The following KLKB1 variants were observed in gnomAD, a reference collection of about 807,000 sequenced individuals.
KLKB1 encodes plasma kallikrein.
A neutral mutation model predicts 73.6 loss-of-function variants in KLKB1; 58 were observed. The observed-to-expected ratio is 0.79, with a 90% CI of 0.64 to 0.98. The LOEUF (loss-of-function observed/expected upper bound fraction) is 0.98, where lower values mean the gene tolerates loss of function less well. Ranked by LOEUF, KLKB1 falls within the 50% of genes least tolerant of loss-of-function variation. KLKB1 has a pLI of 0.00. For missense variants in KLKB1, 737 were observed against 763.8 expected, an observed-to-expected ratio of 0.96 and a Z score of 0.41; for synonymous variants, 280 against 258.1, an observed-to-expected ratio of 1.08 and a Z score of -0.81.
intron 2 of KLKB1, among the ~76,000 whole-genome samples, chr4:186,218,629 A>AGT (rs536955243): frequency 0.029 from 4,219 of 144,334 alleles, 147 homozygotes; most frequent in African/African-American, 0.094. Flanking sequence ...TATTTTACAT[A>AGT]GTGTGTGTGT....
intron 12 of KLKB1, among the ~76,000 whole-genome samples, chr4:186,255,082 A>T (rs1046099834): frequency 4.6e-5 from 7 of 152,214 alleles, no homozygotes; most frequent in African/African-American, 1.7e-4. Flanking sequence ...CAGAACTGTC[A>T]TTGCTTTGGG....
At position 186,232,302 on chromosome 4, in the gene KLKB1, A is replaced by G; in HGVS notation, c.221+13A>G. ...ACATGGAGAAAAGGTAAAAGTTGGT[A>G]TTTCATTATTGGAGAAGCTGTTTTT... On this transcript the variant is annotated intron_variant, in intron 3 of 14. Coordinates refer to ENST00000264690, the MANE Select transcript of KLKB1 (RefSeq NM_000892.5). 6.2e-7 allele frequency: 1 copy of G among 1,612,246 alleles called. No homozygotes were observed. Among genetic ancestry groups the G allele is most frequent in the East Asian group, 2.2e-5 (1 of 44,872 alleles).
intron 6 of KLKB1, among the ~76,000 whole-genome samples, chr4:186,240,618 A>G (rs1344662294): frequency 6.6e-6 from 1 of 152,164 alleles, no homozygotes; most frequent in Non-Finnish European, 1.5e-5. Flanking sequence ...TTTCCGCAGT[A>G]CTGGGTGCTG....
chr4:186,236,408 GT>G (rs2126637815), intron 4 of KLKB1, among the ~76,000 whole-genome samples: 1 of 152,288 alleles, frequency 6.6e-6, no homozygotes, highest in South Asian at 2.1e-4. Context: ...AGGCACATCA[GT>G]TTCTTTAATA....
At chr4:186,235,174 A>G (rs1737594117) in intron 4 of KLKB1, among the ~76,000 whole-genome samples, 1 of 152,210 alleles carries the variant, frequency 6.6e-6, no homozygotes, top group Non-Finnish European at 1.5e-5. Context: ...ATTTTAAAAG[A>G]TCAATTTTTA....
At chr4:186,255,841 A>G in intron 12 of KLKB1, 151 bp from the exon 13 acceptor site, 1 of 625,530 alleles carries the variant, frequency 1.6e-6, no homozygotes, top group Admixed American at 2.9e-5. Context: ...ATTTTCTTGA[A>G]TCATTAGCCT....
chr4:186,234,794 A>C (rs1737569930), intron 4 of KLKB1, among the ~76,000 whole-genome samples: 1 of 152,206 alleles, frequency 6.6e-6, no homozygotes, highest in Non-Finnish European at 1.5e-5. Context: ...CTATCCTAAT[A>C]AATTTAAGAC....
chr4:186,249,169 C>G (rs931369695), intron 6 of KLKB1, among the ~76,000 whole-genome samples: 1 of 152,156 alleles, frequency 6.6e-6, no homozygotes, highest in African/African-American at 2.4e-5. Context: ...AGTTTTTAAA[C>G]TTGATGAAAT....
Position 186,238,128 on chromosome 4 carries a change from G to C in KLKB1, c.489-128G>C, listed in dbSNP as rs4253256. The C allele has an allele frequency of 0.65, 468,726 of 715,962 alleles. 155,645 individuals are homozygous for C. The highest frequency in any genetic ancestry group is 0.81 in the African/African-American group (46,297 of 57,034). 44.4% of individuals were successfully genotyped at this position (715,962 alleles called of 1,614,324 possible). A position where few individuals can be genotyped will look rare whatever the true frequency, so the allele number is the denominator to read the frequency against. ...GGATGTCCATTAGGTTAATAATGCA[G>C]ACCCCTAACCCACTCATTATCAGGG... is the stretch of plus-strand genomic sequence containing the variant. On this transcript the variant is annotated intron_variant, in intron 5 of 14. Transcript: ENST00000264690.
intron 2 of KLKB1, among the ~76,000 whole-genome samples, chr4:186,231,690 C>T (rs758395230): frequency 2.0e-5 from 3 of 152,184 alleles, no homozygotes; most frequent in Admixed American, 6.5e-5. Context: ...AAAACATAGT[C>T]CAGATGCAGA....
At chr4:186,253,495 CT>C (rs1469298973) in intron 11 of KLKB1, among the ~76,000 whole-genome samples, 1 of 152,122 alleles carries the variant, frequency 6.6e-6, no homozygotes, top group African/African-American at 2.4e-5. Context: ...TAGTAGGTGT[CT>C]TTTTTACTAA....
intron 2 of KLKB1, among the ~76,000 whole-genome samples, chr4:186,214,575 G>A (rs1355772458): frequency 6.6e-6 from 1 of 152,186 alleles, no homozygotes; most frequent in Non-Finnish European, 1.5e-5. Context: ...TAGATAGTAG[G>A]AAAGTTAAAG....
At chr4:186,239,492 G>A (rs1312856190) in intron 6 of KLKB1, among the ~76,000 whole-genome samples, 2 of 140,894 alleles carry the variant, frequency 1.4e-5, no homozygotes, top group African/African-American at 2.7e-5. Context: ...CTAGTACAGT[G>A]ATACTGTTAT....
chr4:186,244,913 C>T lies in KLKB1; in HGVS notation c.599-5330C>T, dbSNP rs562949561. ...TTTTAATGGGATGGTAAGGGGTGCACGATAGGTTGCCAAGGAGGGAGCAGA... is the reference window on the plus strand; with the variant it reads ...TTTTAATGGGATGGTAAGGGGTGCATGATAGGTTGCCAAGGAGGGAGCAGA... On this transcript the variant is annotated intron_variant, in intron 6 of 14. Coordinates refer to ENST00000264690, the MANE Select transcript of KLKB1 (RefSeq NM_000892.5). Among the ~76,000 whole-genome samples, 104 of 151,924 alleles carry T rather than the reference C, an allele frequency of 6.8e-4. 1 individual carries two copies. The highest frequency in any genetic ancestry group is 3.8e-3 in the South Asian group (18 of 4,798).
chr4:186,232,055 A>C (rs1737422146), intron 2 of KLKB1, 72 bp from the exon 3 acceptor site: 2 of 1,286,582 alleles, frequency 1.6e-6, no homozygotes, highest in East Asian at 5.0e-5. Flanking sequence ...GGAGAAGTTA[A>C]GACAACAGAT....
intron 2 of KLKB1, among the ~76,000 whole-genome samples, chr4:186,219,307 C>G (rs1279726296): frequency 1.3e-5 from 2 of 152,156 alleles, no homozygotes; most frequent in Non-Finnish European, 1.5e-5. Context: ...CCCTTGTCTA[C>G]TTGAACCCAT....
At position 186,251,823 on chromosome 4, in the gene KLKB1, G is replaced by A. The variant is rs1738693436; in HGVS notation, c.1106G>A (p.Gly369Asp). The change falls in exon 10 of 15, where the codon GGT (glycine) becomes GAT (aspartate). Residue 369 changes from glycine to aspartate, a missense_variant. Transcript: ENST00000264690. ...RIAYGTQGSS[G>D]YSLRLCNTGD... ...GCGTATGGGACACAAGGGAGCTCTG[G>A]TTACTCTTTGAGATTGTGTAACACT... 3.1e-6 allele frequency: 5 copies of A among 1,613,850 alleles called. No individual in the cohort carries two copies. The highest frequency in any genetic ancestry group is 2.5e-6 in the Non-Finnish European group (3 of 1,179,976).
At chr4:186,256,481 GAAT>G (rs1738998085) in intron 13 of KLKB1, among the ~76,000 whole-genome samples, 1 of 152,160 alleles carries the variant, frequency 6.6e-6, no homozygotes. Flanking sequence ...TCACTATGGA[GAAT>G]AATATTTGTG....
chr4:186,245,019 A>T (rs1029892323), intron 6 of KLKB1, among the ~76,000 whole-genome samples: 2 of 152,104 alleles, frequency 1.3e-5, no homozygotes, highest in South Asian at 4.1e-4. Flanking sequence ...AAAGGGTGGC[A>T]TTGAGGTGTG....
Sources: allele counts gnomAD v4.1 joint callset (sites outside exome capture counted in the v4.1 genomes callset), GRCh38; gene constraint gnomAD v4.1.1; transcripts MANE v1.5; gene names NCBI Gene and HGNC (gene_info 2026-07-23, HGNC 2026-07-21).